Variants in NAV3 observed in about 807,000 individuals in gnomAD.
The protein encoded by NAV3 is pore membrane and/or filament interacting like protein 1.
Under a neutral mutation model 244.7 loss-of-function variants are expected in NAV3, and 87 were observed. The ratio of observed to expected loss-of-function variants is 0.36; its 90% confidence interval spans 0.30 to 0.42. NAV3 has a LOEUF of 0.42. Ranked by LOEUF, NAV3 falls within the 20% of genes least tolerant of loss-of-function variation. NAV3 has a pLI of 1.00. For synonymous variants in NAV3, 1,126 were observed against 1,042.2 expected (o/e 1.08, Z -1.55); for missense variants, 2,663 against 2,893.3 (o/e 0.92, Z 1.83).
chr12:77,793,354 G>A (rs1871267986), intron 2 of NAV3, among the ~76,000 whole-genome samples: 1 of 152,026 alleles, frequency 6.6e-6, no homozygotes, highest in South Asian at 2.1e-4. Context: ...GAACTTGCAG[G>A]TTTGTTACAT....
intron 2 of NAV3, among the ~76,000 whole-genome samples, chr12:77,653,859 C>T (rs1344828860): frequency 6.6e-6 from 1 of 151,946 alleles, no homozygotes; most frequent in African/African-American, 2.4e-5. Context: ...CATGTTTGAA[C>T]ATGTATATAT....
intron 18 of NAV3, among the ~76,000 whole-genome samples, chr12:78,133,392 AT>A (rs1956244516): frequency 6.6e-6 from 1 of 150,822 alleles, no homozygotes; most frequent in Non-Finnish European, 1.5e-5. Context: ...TTATTATTAA[AT>A]TTTAAATATA....
chr12:77,612,858 T>C (rs1870978858), intron 2 of NAV3, among the ~76,000 whole-genome samples: 2 of 152,112 alleles, frequency 1.3e-5, no homozygotes, highest in South Asian at 4.1e-4. Context: ...ATTTGAATCA[T>C]GGGGACGGTT....
At chr12:78,146,451 A>C (rs893270118) in intron 21 of NAV3, 59 bp downstream of exon 21, 1 of 773,752 alleles carries the variant, frequency 1.3e-6, no homozygotes, top group African/African-American at 1.8e-5. Context: ...TTCATGATGA[A>C]ATTAGTCTTG....
intron 2 of NAV3, among the ~76,000 whole-genome samples, chr12:77,649,951 C>CT (rs1872754489): frequency 6.6e-6 from 1 of 152,150 alleles, no homozygotes. Context: ...AAACAGCAAT[C>CT]TTTTTGTTCA....
intron 1 of NAV3, among the ~76,000 whole-genome samples, chr12:77,889,399 G>C (rs1883675772): frequency 6.6e-6 from 1 of 152,118 alleles, no homozygotes; most frequent in Non-Finnish European, 1.5e-5. Flanking sequence ...TGAGTCTCTA[G>C]CTTGCTGGCT....
chr12:78,181,714 G>T (rs1349584465), intron 30 of NAV3, among the ~76,000 whole-genome samples: 1 of 151,966 alleles, frequency 6.6e-6, no homozygotes, highest in Non-Finnish European at 1.5e-5. Flanking sequence ...TTTACATGAG[G>T]ATCTATGGTA....
chr12:77,575,287 A>C (rs1484848162), intron 2 of NAV3, among the ~76,000 whole-genome samples: 1 of 152,206 alleles, frequency 6.6e-6, no homozygotes, highest in East Asian at 1.9e-4. Flanking sequence ...AATACTTCTA[A>C]TAATCTTATA....
intron 2 of NAV3, among the ~76,000 whole-genome samples, chr12:77,723,956 T>C (rs905417698): frequency 6.6e-6 from 1 of 151,832 alleles, no homozygotes; most frequent in Non-Finnish European, 1.5e-5. Flanking sequence ...CTTGAAAATA[T>C]GAAAGTACAT....
At chr12:77,792,579 GAGA>G (rs1413872680) in intron 2 of NAV3, among the ~76,000 whole-genome samples, 1 of 152,136 alleles carries the variant, frequency 6.6e-6, no homozygotes, top group Admixed American at 6.5e-5. Context: ...GGGATACCAC[GAGA>G]AGTCTGTTTC....
chr12:78,176,446 C>G lies in NAV3; in HGVS notation c.5111C>G (p.Ser1704Cys). ...KKKKKKNWVNSRGSELRSSFK... is the reference protein window; with the variant it reads ...KKKKKKNWVNCRGSELRSSFK... The stretch of plus-strand genomic sequence containing the variant: ...CTTTCATGTTTCTGCAAGGTGAACT[C>G]TAGAGGAAGTGAGGTGAATATAAAC... The change falls in exon 26 of 40, where the codon TCT (serine) becomes TGT (cysteine). Residue 1704 changes from serine (S) to cysteine (C), a missense_variant. Physicochemically the swap from Ser to Cys is moderately radical, Grantham distance 112. This residue lies in a region of NAV3 where 193 missense variants were observed against 200.7 expected (regional missense o/e 0.96). Transcript: ENST00000397909. The G allele has an allele frequency of 6.2e-7, 1 of 1,612,610 alleles. No homozygotes were observed. The highest frequency in any genetic ancestry group is 8.5e-7 in the Non-Finnish European group (1 of 1,179,232).
intron 24 of NAV3, among the ~76,000 whole-genome samples, chr12:78,173,379 T>G (rs1263202623): frequency 6.6e-6 from 1 of 151,634 alleles, no homozygotes; most frequent in Non-Finnish European, 1.5e-5. Flanking sequence ...CAAACACAAT[T>G]TATTAATTCT....
chr12:77,805,193 C>A (rs1293966721), intron 2 of NAV3, among the ~76,000 whole-genome samples: 2 of 152,176 alleles, frequency 1.3e-5, no homozygotes, highest in Admixed American at 1.3e-4. Flanking sequence ...GCCAGAACTT[C>A]CAATACTATT....
Position 78,058,998 on chromosome 12 carries a change from A to G in NAV3, c.2519A>G (p.Tyr840Cys), listed in dbSNP as rs1474767210. 5 of 1,599,298 alleles carry G rather than the reference A, an allele frequency of 3.1e-6. No individual in the cohort carries two copies. The highest frequency in any genetic ancestry group is 1.1e-5 in the South Asian group (1 of 87,870). ...ATTAATTAGACATTTCTTTTCAGGT[A>G]CATGACAGATGGAGGACTTAACCTA... is the stretch of plus-strand genomic sequence containing the variant. The part of the protein sequence containing the change: ...SLRTDDINSG[Y>C]MTDGGLNLYT... Residue 840 changes from tyrosine (Y) to cysteine (C), a missense_variant and splice_region_variant, in exon 12 of 40, where the codon TAC (tyrosine) becomes TGC (cysteine). Transcript: ENST00000397909.
chr12:77,973,861 A>G (rs1350718462), intron 5 of NAV3, among the ~76,000 whole-genome samples: 1 of 152,210 alleles, frequency 6.6e-6, no homozygotes, highest in African/African-American at 2.4e-5. Context: ...CCCTTTAAAA[A>G]AAAAGTCAGT....
At chr12:77,955,403 C>G (rs1424416123) in intron 3 of NAV3, among the ~76,000 whole-genome samples, 2 of 152,160 alleles carry the variant, frequency 1.3e-5, no homozygotes, top group African/African-American at 4.8e-5. Flanking sequence ...GGGTTAGGAA[C>G]ATGGGCTCTG....
chr12:77,669,750 G>T (rs144892363), intron 2 of NAV3, among the ~76,000 whole-genome samples: 1 of 152,144 alleles, frequency 6.6e-6, no homozygotes, highest in East Asian at 1.9e-4. Flanking sequence ...AACAATAATA[G>T]TAGGGGACTT....
intron 2 of NAV3, among the ~76,000 whole-genome samples, chr12:77,658,767 A>G (rs1161755209): frequency 6.6e-6 from 1 of 151,936 alleles, no homozygotes; most frequent in Admixed American, 6.5e-5. Context: ...AGAGATATAG[A>G]TCAATGGAAC....
intron 1 of NAV3, among the ~76,000 whole-genome samples, chr12:77,886,691 G>A (rs1373920443): frequency 3.9e-5 from 6 of 152,008 alleles, no homozygotes; most frequent in Admixed American, 3.9e-4. Flanking sequence ...CATGTTTAAT[G>A]TCATTTTCTT....
Sources: gnomAD v4.1 joint callset for allele counts (sites outside exome capture counted in the v4.1 genomes callset) on GRCh38, gnomAD v4.1.1 for gene constraint, gnomAD v4.1.1 regional missense constraint, MANE v1.5 for transcripts, NCBI Gene and HGNC (gene_info 2026-07-23, HGNC 2026-07-21) for gene names.